Variants in HMG20A observed in about 807,000 individuals in gnomAD.
HMG20A encodes high mobility group protein 20A.
Under a neutral mutation model 43.9 loss-of-function variants are expected in HMG20A, and 17 were observed. The ratio of observed to expected loss-of-function variants is 0.39; its 90% confidence interval spans 0.27 to 0.58. The LOEUF (loss-of-function observed/expected upper bound fraction) is 0.58. HMG20A is among the 20% of genes least tolerant of loss of function. The pLI is 0.59. For missense variants in HMG20A, 341 were observed against 438.2 expected (o/e 0.78, Z 1.98); for synonymous variants, 132 against 147.5 (o/e 0.89, Z 0.76).
intron 1 of HMG20A, among the ~76,000 whole-genome samples, chr15:77,455,123 T>C (rs1403649007): frequency 6.6e-6 from 1 of 151,692 alleles, no homozygotes; most frequent in East Asian, 1.9e-4. Flanking sequence ...AGTACAAATA[T>C]GCTTCCAGCA....
the HMG20A span, among the ~76,000 whole-genome samples, chr15:77,492,977 C>T: frequency 3.9e-5 from 6 of 151,978 alleles, no homozygotes; most frequent in African/African-American, 9.7e-5. Context: ...TCTGGTGGGG[C>T]GGGTTCACCA....
At chr15:77,494,870 T>G in the HMG20A span, among the ~76,000 whole-genome samples, 1 of 152,238 alleles carries the variant, frequency 6.6e-6, no homozygotes, top group Non-Finnish European at 1.5e-5. Context: ...GGGCCAAGAT[T>G]AATCATGCCT....
chr15:77,473,303 T>G (rs1452498650), intron 6 of HMG20A, among the ~76,000 whole-genome samples: 1 of 152,224 alleles, frequency 6.6e-6, no homozygotes, highest in African/African-American at 2.4e-5. Context: ...TCTTTGTATT[T>G]TAAATCATAA....
intron 4 of HMG20A, among the ~76,000 whole-genome samples, chr15:77,468,191 G>A (rs1468323436): frequency 2.0e-5 from 3 of 152,044 alleles, no homozygotes; most frequent in Non-Finnish European, 2.9e-5. Context: ...TTGTTTTGGC[G>A]CTACTGTATA....
chr15:77,497,209 C>A, the HMG20A span, among the ~76,000 whole-genome samples: 1 of 152,240 alleles, frequency 6.6e-6, no homozygotes, highest in African/African-American at 2.4e-5. Context: ...AGCCAGAAAT[C>A]ATGAGGATTT....
At chr15:77,500,672 G>T in the HMG20A span, among the ~76,000 whole-genome samples, 1 of 151,570 alleles carries the variant, frequency 6.6e-6, no homozygotes, top group South Asian at 2.1e-4. Context: ...GAGTTCAAGC[G>T]GTTCTCCTGC....
the HMG20A span, among the ~76,000 whole-genome samples, chr15:77,505,893 T>C: frequency 2.6e-5 from 4 of 152,132 alleles, no homozygotes; most frequent in Non-Finnish European, 5.9e-5. Flanking sequence ...ACAGACCAGG[T>C]AGCTGCTATT....
At position 77,438,852 on chromosome 15, in the gene HMG20A, G is replaced by A. The variant is rs368224795; in HGVS notation, c.-5+17848G>A. Among the ~76,000 whole-genome samples, 6 of 152,192 alleles carry A rather than the reference G, an allele frequency of 3.9e-5. No homozygotes were observed. The South Asian group carries it at 8.3e-4, about 21-fold the overall frequency. On this transcript the variant is annotated intron_variant, in intron 1 of 9. Transcript: ENST00000336216. ...GTCACCCAGGCTGGAGTGCAGTGGC[G>A]TGATCTCGGCTCACTGCAAGCTCCG...
the HMG20A span, among the ~76,000 whole-genome samples, chr15:77,519,637 A>C: frequency 6.6e-6 from 1 of 152,224 alleles, no homozygotes; most frequent in South Asian, 2.1e-4. Flanking sequence ...GCAAACCCTT[A>C]CCAGACACCA....
chr15:77,507,197 C>T, the HMG20A span, among the ~76,000 whole-genome samples: 2 of 152,198 alleles, frequency 1.3e-5, no homozygotes, highest in African/African-American at 4.8e-5. Flanking sequence ...GACTCCTCAG[C>T]CCCCATAATC....
At chr15:77,428,784 G>C (rs904926772) in intron 1 of HMG20A, among the ~76,000 whole-genome samples, 13 of 152,066 alleles carry the variant, frequency 8.5e-5, no homozygotes, top group Non-Finnish European at 1.5e-5. Context: ...GGGTAACATA[G>C]TGAGATGCTG....
At chr15:77,461,692 T>C (rs2072706653) in intron 2 of HMG20A, among the ~76,000 whole-genome samples, 1 of 152,206 alleles carries the variant, frequency 6.6e-6, no homozygotes, top group Non-Finnish European at 1.5e-5. Context: ...TGAATTCCCA[T>C]GTGAATTCCC....
At chr15:77,463,213 T>C (rs1198989570) in intron 2 of HMG20A, among the ~76,000 whole-genome samples, 6 of 152,218 alleles carry the variant, frequency 3.9e-5, no homozygotes, top group Non-Finnish European at 8.8e-5. Flanking sequence ...GGAATCGTGT[T>C]GTTTACCTTG....
intron 1 of HMG20A, among the ~76,000 whole-genome samples, chr15:77,455,574 C>A (rs756058215): frequency 1.3e-5 from 2 of 151,968 alleles, no homozygotes; most frequent in African/African-American, 4.8e-5. Context: ...GATAAGTCCC[C>A]TCTACTAGGT....
At chr15:77,500,964 A>G in the HMG20A span, among the ~76,000 whole-genome samples, 1 of 152,120 alleles carries the variant, frequency 6.6e-6, no homozygotes, top group East Asian at 1.9e-4. Context: ...GCAAGCCCAG[A>G]TCAGATAGCA....
chr15:77,516,779 G>C, the HMG20A span, among the ~76,000 whole-genome samples: 1 of 151,748 alleles, frequency 6.6e-6, no homozygotes, highest in Non-Finnish European at 1.5e-5. Flanking sequence ...TCCGGGAAAA[G>C]GGGACAGCAA....
At chr15:77,452,632 G>A (rs1001271080) in intron 1 of HMG20A, among the ~76,000 whole-genome samples, 2 of 152,036 alleles carry the variant, frequency 1.3e-5, no homozygotes, top group African/African-American at 4.8e-5. Flanking sequence ...AATGTTAAGA[G>A]CTAAAATTAT....
intron 1 of HMG20A, among the ~76,000 whole-genome samples, chr15:77,439,303 ATACAG>A (rs1567392774): frequency 6.6e-6 from 1 of 152,164 alleles, no homozygotes; most frequent in Non-Finnish European, 1.5e-5. Flanking sequence ...ACTGTGGTAC[ATACAG>A]TAAAGTACAA....
chr15:77,504,557 G>A, the HMG20A span, among the ~76,000 whole-genome samples: 9 of 152,240 alleles, frequency 5.9e-5, no homozygotes, highest in Non-Finnish European at 1.2e-4. Context: ...TGGAGTTTCC[G>A]TTGGGGAAAT....
Sources: allele counts gnomAD v4.1 joint callset (sites outside exome capture counted in the v4.1 genomes callset), GRCh38; gene constraint gnomAD v4.1.1; transcripts MANE v1.5; gene names NCBI Gene and HGNC (gene_info 2026-07-23, HGNC 2026-07-21).